The following TMEM132C variants were observed in gnomAD, a reference collection of about 807,000 sequenced individuals.
TMEM132C encodes protein phosphatase 1, regulatory subunit 152.
TMEM132C carries 29 observed loss-of-function variants against 61.4 expected under a neutral mutation model. That is an observed-to-expected ratio of 0.47 (90% CI 0.35 to 0.64). The LOEUF (loss-of-function observed/expected upper bound fraction) is 0.64. TMEM132C is among the 30% of genes least tolerant of loss of function. The pLI, the probability that TMEM132C is intolerant of heterozygous loss-of-function variation, is 0.00. For synonymous variants in TMEM132C, 656 were observed against 633.1 expected (o/e 1.04, Z -0.54); for missense variants, 1,408 against 1,476.9 (o/e 0.95, Z 0.76).
At chr12:128,697,533 T>C (rs1210432625) in intron 8 of TMEM132C, 118 bp downstream of exon 8, 4 of 1,028,190 alleles carry the variant, frequency 3.9e-6, no homozygotes, top group Non-Finnish European at 5.5e-6. Context: ...TGTTCCACAA[T>C]GGAAGCCATG....
chr12:128,668,803 T>C (rs1040479362), intron 4 of TMEM132C, among the ~76,000 whole-genome samples: 1 of 152,172 alleles, frequency 6.6e-6, no homozygotes, highest in Non-Finnish European at 1.5e-5. Flanking sequence ...TCTTGGCTCA[T>C]GGCCATATCA....
chr12:128,378,119 G>T (rs200468672), intron 1 of TMEM132C, among the ~76,000 whole-genome samples: 25 of 145,360 alleles, frequency 1.7e-4, no homozygotes, highest in African/African-American at 5.6e-4. Context: ...GTTTTTTTTT[G>T]TTTTTTTTTT....
In TMEM132C at chr12:128,322,075, C is replaced by A. The variant is rs563627124; in HGVS notation, c.85+54588C>A. 2.6e-5 allele frequency among the ~76,000 whole-genome samples: 4 copies of A among 152,342 alleles called. No individual in the cohort carries two copies. In the East Asian group the frequency reaches 7.7e-4, roughly 29 times the overall value. ...ATAAGAGATAGAAACTATTTTCCGT[C>A]CTCTCGAACCTGAGATGTTTTGTGA... is the stretch of plus-strand genomic sequence containing the variant. On this transcript the variant is annotated intron_variant, in intron 1 of 8. Coordinates refer to ENST00000435159, the MANE Select transcript of TMEM132C (RefSeq NM_001136103.3).
rs1954825833 is a variant in TMEM132C at position 128,704,958 on chromosome 12, C to G, written c.2122-132C>G. ...CTGATAGAAAACCTGTATGATTTCT[C>G]CCCAGATGCATGAGCTACTGGGTCT... is the stretch of plus-strand genomic sequence containing the variant. On this transcript the variant is annotated intron_variant, in intron 8 of 8. Transcript: ENST00000435159. 3 of 973,254 alleles carry G rather than the reference C, an allele frequency of 3.1e-6. No homozygotes were observed. In the South Asian group the frequency reaches 5.8e-5, roughly 19 times the overall value. The allele number at this position is 973,254 out of a possible 1,614,324, so 60.3% of individuals were successfully genotyped here.
intron 3 of TMEM132C, among the ~76,000 whole-genome samples, chr12:128,597,527 A>T (rs6486699): frequency 0.7 from 103,193 of 146,816 alleles, 39,554 homozygotes; most frequent in Non-Finnish European, 0.88. Context: ...GAAGGAAGGA[A>T]GGATGGATGG....
chr12:128,409,524 C>T (rs1794731207), intron 1 of TMEM132C, among the ~76,000 whole-genome samples: 1 of 152,168 alleles, frequency 6.6e-6, no homozygotes, highest in Admixed American at 6.5e-5. Flanking sequence ...TTTCCAGTTC[C>T]TCCCATCTTC....
intron 1 of TMEM132C, among the ~76,000 whole-genome samples, chr12:128,367,582 C>T (rs1433086911): frequency 6.6e-6 from 1 of 152,078 alleles, no homozygotes; most frequent in Non-Finnish European, 1.5e-5. Context: ...GCACAGAGAC[C>T]AGGAGTCCAC....
chr12:128,301,062 A>G (rs78903404), intron 1 of TMEM132C, among the ~76,000 whole-genome samples: 3,852 of 152,238 alleles, frequency 0.025, 180 homozygotes, highest in African/African-American at 0.088. Flanking sequence ...ACAAATGAAC[A>G]GAAAACTCAG....
intron 1 of TMEM132C, among the ~76,000 whole-genome samples, chr12:128,411,841 T>C (rs760051514): frequency 3.9e-5 from 6 of 152,190 alleles, no homozygotes; most frequent in Admixed American, 1.3e-4. Context: ...TATATACCAA[T>C]CCCATTCTAA....
intron 1 of TMEM132C, among the ~76,000 whole-genome samples, chr12:128,364,755 C>G (rs1256513257): frequency 2.0e-5 from 3 of 152,168 alleles, no homozygotes; most frequent in Non-Finnish European, 2.9e-5. Context: ...GCCTGAGGGA[C>G]ACAGTGGTGG....
In TMEM132C at chr12:128,570,014, T is replaced by C. The variant is rs187832322; in HGVS notation, c.1121+25911T>C. Reference sequence around the variant, plus strand: ...CACTTTCGATGCTCTTTTATTATCATTGCCGTTAACGTGAGAAGTGAAAGG... The same window carrying C: ...CACTTTCGATGCTCTTTTATTATCACTGCCGTTAACGTGAGAAGTGAAAGG... On this transcript the variant is annotated intron_variant, in intron 3 of 8. Transcript: ENST00000435159. The surrounding 1 kb of genome is among the most constrained non-coding windows in gnomAD (Gnocchi z 4.7). Among the ~76,000 whole-genome samples the C allele has an allele frequency of 1.8e-3, 269 of 152,342 alleles. 2 individuals are homozygous for C. Among genetic ancestry groups the C allele is most frequent in the African/African-American group, 6.0e-3 (251 of 41,580 alleles).
chr12:128,523,199 G>A (rs7316213), intron 2 of TMEM132C, among the ~76,000 whole-genome samples: 1 of 152,180 alleles, frequency 6.6e-6, no homozygotes, highest in Non-Finnish European at 1.5e-5. Context: ...TACATGAGAT[G>A]TCTCCAGTAG....
At chr12:128,608,980 G>A in intron 3 of TMEM132C, among the ~76,000 whole-genome samples, 1 of 152,126 alleles carries the variant, frequency 6.6e-6, no homozygotes, top group East Asian at 1.9e-4. Context: ...GAATGGGGTA[G>A]AGAGAAGTGA....
At chr12:128,610,125 T>G (rs968499050) in intron 3 of TMEM132C, among the ~76,000 whole-genome samples, 7 of 152,372 alleles carry the variant, frequency 4.6e-5, no homozygotes, top group African/African-American at 1.7e-4. Flanking sequence ...AAGAAAGCCC[T>G]TTCCAGTGAG....
At chr12:128,524,518 T>C (rs1488183404) in intron 2 of TMEM132C, among the ~76,000 whole-genome samples, 1 of 152,094 alleles carries the variant, frequency 6.6e-6, no homozygotes, top group Non-Finnish European at 1.5e-5. Context: ...TTTTTTCAAC[T>C]AAGAATATAA....
At chr12:128,640,421 AG>A (rs1593129978) in intron 4 of TMEM132C, among the ~76,000 whole-genome samples, 2 of 152,210 alleles carry the variant, frequency 1.3e-5, no homozygotes, top group African/African-American at 4.8e-5. Flanking sequence ...AGATTACAGA[AG>A]GGGTAAATCC....
chr12:128,497,539 C>G (rs56399893), intron 2 of TMEM132C, among the ~76,000 whole-genome samples: 1 of 152,196 alleles, frequency 6.6e-6, no homozygotes, highest in Admixed American at 6.5e-5. Flanking sequence ...GGCAGGCGCC[C>G]CTCCCCCAGC....
At position 128,680,153 on chromosome 12, in the gene TMEM132C, G is replaced by A. The variant is rs957664500; in HGVS notation, c.1449+10593G>A. ...CCTTGGAGTCTGTGTTCAGAATTTT[G>A]TTTTACTCTCAGAGCAATATGACAC... On this transcript the variant is annotated intron_variant, in intron 5 of 8. Coordinates refer to ENST00000435159, the MANE Select transcript of TMEM132C (RefSeq NM_001136103.3). 3.9e-5 allele frequency among the ~76,000 whole-genome samples: 6 copies of A among 152,194 alleles called. No homozygotes were observed. In the South Asian group the frequency reaches 1.2e-3, roughly 32 times the overall value.
At chr12:128,468,001 A>G (rs1040409963) in intron 2 of TMEM132C, among the ~76,000 whole-genome samples, 1 of 152,234 alleles carries the variant, frequency 6.6e-6, no homozygotes, top group Non-Finnish European at 1.5e-5. Context: ...TGCAGTGTGC[A>G]AGGACATCAC....
Sources: allele counts gnomAD v4.1 joint callset (sites outside exome capture counted in the v4.1 genomes callset), GRCh38; gene constraint gnomAD v4.1.1; non-coding constraint Gnocchi (gnomAD v3.1); transcripts MANE v1.5; gene names NCBI Gene and HGNC (gene_info 2026-07-23, HGNC 2026-07-21).